Variants in RALGAPA2 observed in about 807,000 individuals in gnomAD.
The protein encoded by RALGAPA2 is Ral GTPase activating protein catalytic subunit alpha 2, also known as ral GTPase-activating protein subunit alpha-2.
A neutral mutation model predicts 230.4 loss-of-function variants in RALGAPA2; 139 were observed. The ratio of observed to expected loss-of-function variants is 0.60; its 90% CI spans 0.53 to 0.69. The LOEUF (loss-of-function observed/expected upper bound fraction) is 0.69, where lower values mean the gene tolerates loss of function less well. RALGAPA2 is among the 30% of genes least tolerant of loss of function. RALGAPA2 has a pLI of 0.00. For missense variants in RALGAPA2, 2,163 were observed against 2,276.0 expected (o/e 0.95, Z 1.01); for synonymous variants, 847 against 837.8 (o/e 1.01, Z -0.19).
chr20:20,470,733 A>G (rs2061520601), intron 37 of RALGAPA2, among the ~76,000 whole-genome samples: 1 of 152,210 alleles, frequency 6.6e-6, no homozygotes, highest in African/African-American at 2.4e-5. Flanking sequence ...TCAACTTGTC[A>G]TGGTATTTTT....
At chr20:20,628,055 G>GA (rs1447923237) in intron 10 of RALGAPA2, among the ~76,000 whole-genome samples, 2 of 151,980 alleles carry the variant, frequency 1.3e-5, no homozygotes, top group Non-Finnish European at 2.9e-5. Flanking sequence ...CACAGAACCA[G>GA]AAAAAAATAT....
chr20:20,619,203 C>G, intron 12 of RALGAPA2, 74 bp downstream of exon 12: 2 of 1,383,550 alleles, frequency 1.4e-6, no homozygotes, highest in Non-Finnish European at 1.9e-6. Context: ...GACATTATCC[C>G]CAATAAACAA....
chr20:20,649,224 G>C (rs901647692), intron 4 of RALGAPA2, among the ~76,000 whole-genome samples: 1 of 152,134 alleles, frequency 6.6e-6, no homozygotes, highest in Non-Finnish European at 1.5e-5. Flanking sequence ...AAGTGCACAG[G>C]GAAACCCTGC....
At chr20:20,667,671 TCTC>T (rs2068001523) in intron 3 of RALGAPA2, among the ~76,000 whole-genome samples, 2 of 152,064 alleles carry the variant, frequency 1.3e-5, no homozygotes, top group South Asian at 4.1e-4. Flanking sequence ...CAAATAAGAA[TCTC>T]CTACCAAAGG....
At chr20:20,553,551 TA>T (rs368489827) in intron 23 of RALGAPA2, among the ~76,000 whole-genome samples, 8,330 of 150,708 alleles carry the variant, frequency 0.055, 333 homozygotes, top group African/African-American at 0.11. Flanking sequence ...GAATCTATCT[TA>T]AAAAAAAACA....
chr20:20,617,718 A>G (rs1303430434), intron 12 of RALGAPA2, among the ~76,000 whole-genome samples: 9 of 152,220 alleles, frequency 5.9e-5, no homozygotes, highest in Non-Finnish European at 1.2e-4. Flanking sequence ...TACATTTGTC[A>G]AAAGCAACTA....
chr20:20,619,686 G>C (rs1303971696), intron 11 of RALGAPA2, among the ~76,000 whole-genome samples: 1 of 152,112 alleles, frequency 6.6e-6, no homozygotes, highest in Non-Finnish European at 1.5e-5. Flanking sequence ...ATGGAATACA[G>C]CCCTTTAAAA....
At chr20:20,623,040 G>C (rs1426960994) in intron 10 of RALGAPA2, among the ~76,000 whole-genome samples, 1 of 152,114 alleles carries the variant, frequency 6.6e-6, no homozygotes, top group African/African-American at 2.4e-5. Context: ...AATTTAATTT[G>C]AGAAGAAAAA....
At chr20:20,671,365 ATCGC>A (rs2068129941) in intron 3 of RALGAPA2, among the ~76,000 whole-genome samples, 1 of 152,168 alleles carries the variant, frequency 6.6e-6, no homozygotes, top group Non-Finnish European at 1.5e-5. Context: ...TCTACATGGT[ATCGC>A]TTTTGTGATT....
At chr20:20,495,705 TAA>T (rs1325241096) in intron 35 of RALGAPA2, among the ~76,000 whole-genome samples, 1 of 152,174 alleles carries the variant, frequency 6.6e-6, no homozygotes, top group Non-Finnish European at 1.5e-5. Context: ...AATATGAACA[TAA>T]GAGAACATAA....
chr20:20,537,117 T>C (rs987807027), intron 24 of RALGAPA2, among the ~76,000 whole-genome samples: 1 of 152,186 alleles, frequency 6.6e-6, no homozygotes, highest in African/African-American at 2.4e-5. Flanking sequence ...GGATATCAAC[T>C]GAATACCATT....
At chr20:20,615,905 T>C in intron 13 of RALGAPA2, 138 bp downstream of exon 13, 1 of 617,710 alleles carries the variant, frequency 1.6e-6, no homozygotes, top group East Asian at 3.2e-5. Context: ...TTCTTCATAA[T>C]TCACAGAAAC....
In RALGAPA2 at chr20:20,601,712, C is replaced by T. The variant is rs1289392952; in HGVS notation, c.2173G>A (p.Ala725Thr). Residue 725 changes from alanine (A) to threonine (T), a missense_variant, in exon 16 of 40, where the codon GCA becomes ACA. Transcript: ENST00000202677. ...GCTTTTTGGCGAACAATATTTCTTG[C>T]CTTTTCCACTCCCGGTGCTCCAGAC... ...TTSGAPGVEKARNIVRQKATE... is the reference protein window; with the variant it reads ...TTSGAPGVEKTRNIVRQKATE... The T allele has an allele frequency of 6.2e-7, 1 of 1,613,228 alleles. No homozygotes were observed.
At chr20:20,396,818 A>C in intron 38 of RALGAPA2, 84 bp from the exon 39 acceptor site, 1 of 1,173,200 alleles carries the variant, frequency 8.5e-7, no homozygotes. Context: ...AGTGCTAATA[A>C]TACATTTATC....
At chr20:20,462,822 C>T (rs950066482) in intron 37 of RALGAPA2, among the ~76,000 whole-genome samples, 32 of 152,176 alleles carry the variant, frequency 2.1e-4, no homozygotes, top group African/African-American at 7.2e-4. Flanking sequence ...GGCTTTGCAG[C>T]GTCTCTTATT....
chr20:20,601,812 C>T lies in RALGAPA2; in HGVS notation c.2073G>A (p.Val691=), dbSNP rs2065662920. The stretch of plus-strand genomic sequence containing the variant: ...GCCAGCTGAGAGAAAAGGACCTCCC[C>T]ACGGTGGTTCCTTTCTGAGGATCTA... ...CVLDPQKGTT[V]GRSFSLSWRS... is the part of the protein sequence containing the mutation. Residue 691 remains valine, a synonymous_variant, in exon 16 of 40, where the codon GTG becomes GTA. Transcript: ENST00000202677. The T allele has an allele frequency of 6.2e-7, 1 of 1,611,278 alleles. No homozygotes were observed. The highest frequency in any genetic ancestry group is 1.3e-5 in the African/African-American group (1 of 74,792).
At chr20:20,436,492 A>C (rs1366070858) in intron 37 of RALGAPA2, among the ~76,000 whole-genome samples, 2 of 152,194 alleles carry the variant, frequency 1.3e-5, no homozygotes, top group East Asian at 3.9e-4. Context: ...AGTGGTTGAT[A>C]AAGTGTATTT....
intron 37 of RALGAPA2, among the ~76,000 whole-genome samples, chr20:20,453,451 C>T (rs78491920): frequency 2.2e-4 from 34 of 152,126 alleles, no homozygotes; most frequent in African/African-American, 7.0e-4. Context: ...CTGATTACTG[C>T]GGGGGGTGGG....
rs2063023014 is a variant in RALGAPA2, at chr20:20,521,059, T to C, written c.3942A>G (p.Gln1314=). 1.9e-5 allele frequency: 31 copies of C among 1,613,660 alleles called. No homozygotes were observed. The highest frequency in any genetic ancestry group is 2.2e-5 in the South Asian group (2 of 91,066). The change falls in exon 31 of 40, where the codon CAA becomes CAG. Residue 1314 remains glutamine, a synonymous_variant. Coordinates refer to ENST00000202677, the MANE Select transcript of RALGAPA2 (RefSeq NM_020343.4). The part of the protein sequence containing the change: ...CCVCGSSTYT[Q]QSHYILTLAD... ...CCAGGGTCAGTATGTAGTGACTCTG[T>C]TGGGTGTACGTGCTTGAGCCACACA...
Sources: gnomAD v4.1 joint callset for allele counts (sites outside exome capture counted in the v4.1 genomes callset) on GRCh38, gnomAD v4.1.1 for gene constraint, MANE v1.5 for transcripts, NCBI Gene and HGNC (gene_info 2026-07-23, HGNC 2026-07-21) for gene names.